Variants in CKMT1A observed in about 807,000 individuals in gnomAD.
The protein encoded by CKMT1A is creatine kinase, mitochondrial 1A, also known as creatine kinase U-type, mitochondrial.
A neutral mutation model predicts 21.8 loss-of-function variants in CKMT1A; 23 were observed. The ratio of observed to expected loss-of-function variants is 1.05; its 90% CI spans 0.76 to 1.49. The LOEUF (loss-of-function observed/expected upper bound fraction) is 1.49. Among genes scored for constraint, CKMT1A ranks in the 40% most tolerant of loss-of-function variants. The probability of loss-of-function intolerance (pLI) is 0.00; values close to 1 mark genes in which losing one functional copy is unlikely to be tolerated. For missense variants in CKMT1A, 154 were observed against 229.4 expected (o/e 0.67, Z 2.12); for synonymous variants, 67 against 80.4 (o/e 0.83, Z 0.89).
At chr15:43,697,687 A>G in intron 6 of CKMT1A, 1 of 984,906 alleles carries the variant, frequency 1.0e-6, no homozygotes, top group Non-Finnish European at 1.2e-6. Context: ...TGCAGACCTC[A>G]TTGAATAATC....
At chr15:43,697,632 C>A (rs1449979150) in intron 6 of CKMT1A, 2 of 984,740 alleles carry the variant, frequency 2.0e-6, no homozygotes, top group Non-Finnish European at 2.4e-6. Flanking sequence ...TGAAAGGACC[C>A]TTCCAAGCTC....
chr15:43,698,940 A>G (rs758099114), intron 8 of CKMT1A, 33 bp from the exon 9 acceptor site: 1 of 1,613,200 alleles, frequency 6.2e-7, no homozygotes, highest in Non-Finnish European at 8.5e-7. Context: ...CTCAGACTGT[A>G]GGAAGCAGAG....
In CKMT1A at chr15:43,699,000, G is replaced by A; in HGVS notation, c.1165G>A (p.Gly389Arg). The A allele has an allele frequency of 6.2e-7, 1 of 1,613,512 alleles. No individual in the cohort carries two copies. The highest frequency in any genetic ancestry group is 8.5e-7 in the Non-Finnish European group (1 of 1,179,882). The change falls in exon 9 of 9, where the codon GGA becomes AGA. Residue 389 changes from glycine to arginine, a missense_variant. Physicochemically the swap from Gly to Arg is moderately radical, Grantham distance 125. Transcript: ENST00000413453. ...EVELVQLVID[G>R]VNYLIDCERR... ...GGAGCTGGTGCAACTGGTCATCGATGGAGTAAACTATTTGATTGATTGTGA... is the reference window on the plus strand; with the variant it reads ...GGAGCTGGTGCAACTGGTCATCGATAGAGTAAACTATTTGATTGATTGTGA...
At chr15:43,698,364 C>T (rs570475228) in intron 7 of CKMT1A, among the ~76,000 whole-genome samples, 1 of 151,784 alleles carries the variant, frequency 6.6e-6, no homozygotes, top group Non-Finnish European at 1.5e-5. Flanking sequence ...CCTGGGCAAC[C>T]TGGTGAAACC....
chr15:43,698,984 G>A lies in CKMT1A; in HGVS notation c.1149G>A (p.Val383=), dbSNP rs1336707021. The change falls in exon 9 of 9, where the codon GTG becomes GTA. Residue 383 remains valine (V), a synonymous_variant. Coordinates refer to ENST00000413453, the MANE Select transcript of CKMT1A (RefSeq NM_001321926.2). ...DRLGKSEVEL[V]QLVIDGVNYL... ...TTAGTGTCCTTCAGGTGGAGCTGGT[G>A]CAACTGGTCATCGATGGAGTAAACT... is the stretch of plus-strand genomic sequence containing the variant. 6.2e-7 allele frequency: 1 copy of A among 1,613,588 alleles called. No homozygotes were observed. Among genetic ancestry groups the A allele is most frequent in the Non-Finnish European group, 8.5e-7 (1 of 1,179,896 alleles).
At position 43,697,757 on chromosome 15, in the gene CKMT1A, C is replaced by T. The variant is rs2086471042; in HGVS notation, c.877-257C>T. 6 of 984,830 alleles carry T rather than the reference C, an allele frequency of 6.1e-6. 1 individual carries two copies. Among genetic ancestry groups the T allele is most frequent in the Non-Finnish European group, 7.2e-6 (6 of 829,436 alleles). The allele number at this position is 984,830 out of a possible 1,614,324, so 61.0% of individuals were successfully genotyped here. Reference sequence around the variant, plus strand: ...ATTTCCCTAGATCATCCTTAATACACCACGCCTTCGAGTTTTCTTCTTCCA... The same window carrying T: ...ATTTCCCTAGATCATCCTTAATACATCACGCCTTCGAGTTTTCTTCTTCCA... On this transcript the variant is annotated intron_variant, in intron 6 of 8. Transcript: ENST00000413453.
chr15:43,698,593 A>T, intron 7 of CKMT1A, 48 bp from the exon 8 acceptor site: 1 of 1,585,246 alleles, frequency 6.3e-7, no homozygotes, highest in Non-Finnish European at 8.6e-7. Context: ...AGGTAGGACT[A>T]GTCTCTGCCT....
rs774963096 is a variant in CKMT1A, at chr15:43,696,270, G to A, written c.783G>A (p.Trp261Ter). The A allele has an allele frequency of 7.5e-6, 12 of 1,593,666 alleles. 1 individual carries two copies. The highest frequency in any genetic ancestry group is 9.4e-6 in the Non-Finnish European group (11 of 1,168,208). ...WHNNEKSFLI[W>*]VNEEDHTRVI... Reference sequence around the variant, plus strand: ...ACAATGAGAAGAGCTTCCTGATCTGGGTGAATGAGGAGGATCATACACGGG... The same window carrying A: ...ACAATGAGAAGAGCTTCCTGATCTGAGTGAATGAGGAGGATCATACACGGG... The change falls in exon 6 of 9, where the codon TGG (tryptophan) becomes TGA (stop). Residue 261 changes from tryptophan to a stop codon, truncating the protein, a stop_gained. Transcript: ENST00000413453. LOFTEE classifies it high-confidence loss of function.
In CKMT1A at chr15:43,695,797, G is replaced by A. The variant is rs1239975601; in HGVS notation, c.554G>A (p.Arg185Gln). 4.9e-5 allele frequency: 7 copies of A among 142,794 alleles called. No homozygotes were observed. Among genetic ancestry groups the A allele is most frequent in the Non-Finnish European group, 8.3e-5 (7 of 84,196 alleles). 8.8% of individuals were successfully genotyped at this position (142,794 alleles called of 1,614,324 possible). ...CCAGCTTGCACTCGAGCAGAGCGAC[G>A]AGAGGTGGAACGTGTTGTGGTGGAT... is the stretch of plus-strand genomic sequence containing the variant. ...LPPACTRAER[R>Q]EVERVVVDAL... is the part of the protein sequence containing the mutation. Residue 185 changes from arginine to glutamine, a missense_variant, in exon 4 of 9, where the codon CGA (arginine) becomes CAA (glutamine). Transcript: ENST00000413453.
Position 43,695,916 on chromosome 15 carries a change from G to A in CKMT1A, c.666+7G>A, listed in dbSNP as rs1567142665. ...ACAGCAGCAGCTTATTGATGTGAGGGCCTTAAGAGGGTGCTGGTTGGTGGG... is the reference window on the plus strand; with the variant it reads ...ACAGCAGCAGCTTATTGATGTGAGGACCTTAAGAGGGTGCTGGTTGGTGGG... On this transcript the variant is annotated splice_region_variant and intron_variant, in intron 4 of 8. Coordinates refer to ENST00000413453, the MANE Select transcript of CKMT1A (RefSeq NM_001321926.2). 3.7e-6 allele frequency: 1 copy of A among 273,048 alleles called. No homozygotes were observed. Among genetic ancestry groups the A allele is most frequent in the Non-Finnish European group, 6.3e-6 (1 of 157,852 alleles). 16.9% of individuals were successfully genotyped at this position (273,048 alleles called of 1,614,324 possible).
chr15:43,696,509 G>A (rs2086448567), intron 6 of CKMT1A, 146 bp downstream of exon 6: 1 of 1,285,050 alleles, frequency 7.8e-7, no homozygotes, highest in South Asian at 1.5e-5. Flanking sequence ...AGGACTAAAG[G>A]TATAAACCAG....
chr15:43,698,647 C>T lies in CKMT1A; in HGVS notation c.1018C>T (p.Arg340Cys), dbSNP rs776795516. ...IKLPLLSKDS[R>C]FPKILENLRL... Reference sequence around the variant, plus strand: ...ATCCCTATCTCCTCTCTAGGATAGCCGCTTCCCAAAGATCCTGGAGAACCT... The same window carrying T: ...ATCCCTATCTCCTCTCTAGGATAGCTGCTTCCCAAAGATCCTGGAGAACCT... The change falls in exon 8 of 9, where the codon CGC becomes TGC. Residue 340 changes from arginine (R) to cysteine (C), a missense_variant. Arg to Cys is a radical substitution (Grantham distance 180). Coordinates refer to ENST00000413453, the MANE Select transcript of CKMT1A (RefSeq NM_001321926.2). 22 of 1,612,856 alleles carry T rather than the reference C, an allele frequency of 1.4e-5. No homozygotes were observed. Among genetic ancestry groups the T allele is most frequent in the Middle Eastern group, 1.6e-4 (1 of 6,074 alleles).
At position 43,698,708 on chromosome 15, in the gene CKMT1A, C is replaced by T; in HGVS notation, c.1079C>T (p.Thr360Ile). 6.2e-7 allele frequency: 1 copy of T among 1,613,662 alleles called. No individual in the cohort carries two copies. The highest frequency in any genetic ancestry group is 8.5e-7 in the Non-Finnish European group (1 of 1,179,856). Reference sequence around the variant, plus strand: ...AAGCGTGGTACTGGAGGAGTGGACACTGCTGCCACAGGCGGTGTCTTTGAT... The same window carrying T: ...AAGCGTGGTACTGGAGGAGTGGACATTGCTGCCACAGGCGGTGTCTTTGAT... ...LQKRGTGGVD[T>I]AATGGVFDIS... The change falls in exon 8 of 9, where the codon ACT (threonine) becomes ATT (isoleucine). Residue 360 changes from threonine to isoleucine, a missense_variant. Transcript: ENST00000413453.
At chr15:43,698,827 A>C in intron 8 of CKMT1A, 61 bp downstream of exon 8, 2 of 1,608,744 alleles carry the variant, frequency 1.2e-6, no homozygotes, top group South Asian at 2.2e-5. Context: ...GAAATATGGC[A>C]GTGAGTGAGC....
intron 8 of CKMT1A, 64 bp from the exon 9 acceptor site, chr15:43,698,909 T>C (rs903219873): frequency 1.2e-6 from 2 of 1,605,370 alleles, no homozygotes; most frequent in African/African-American, 2.7e-5. Context: ...AGCAGGCAAG[T>C]CAGTCAGTGA....
chr15:43,699,071 C>T lies in CKMT1A; in HGVS notation c.1236C>T (p.Val412=). Residue 412 remains valine (V), a synonymous_variant, in exon 9 of 9, where the codon GTC becomes GTT. Coordinates refer to ENST00000413453, the MANE Select transcript of CKMT1A (RefSeq NM_001321926.2). ...AGGATATCCGCATCCCCACACCTGT[C>T]ATCCACACCAAGCATTAACTCCCCA... The part of the protein sequence containing the change: ...RGQDIRIPTP[V]IHTKH 2 of 1,613,488 alleles carry T rather than the reference C, an allele frequency of 1.2e-6. No individual in the cohort carries two copies. The highest frequency in any genetic ancestry group is 1.7e-6 in the Non-Finnish European group (2 of 1,179,876).
At chr15:43,697,410 G>A in intron 6 of CKMT1A, 1 of 984,986 alleles carries the variant, frequency 1.0e-6, no homozygotes, top group Non-Finnish European at 1.2e-6. Context: ...TCATCACTCT[G>A]CTAGATCCCT....
At chr15:43,696,429 T>C (rs747835852) in intron 6 of CKMT1A, 66 bp downstream of exon 6, 2 of 1,606,432 alleles carry the variant, frequency 1.2e-6, no homozygotes, top group East Asian at 2.2e-5. Flanking sequence ...GTAGCATAAA[T>C]AGATTATGTA....
In CKMT1A at chr15:43,698,043, G is replaced by A; in HGVS notation, c.906G>A (p.Trp302Ter). The A allele has an allele frequency of 1.9e-6, 3 of 1,613,334 alleles. No individual in the cohort carries two copies. Among genetic ancestry groups the A allele is most frequent in the Non-Finnish European group, 2.5e-6 (3 of 1,179,736 alleles). Reference sequence around the variant, plus strand: ...AGAGACTTATCCAAGAACGTGGCTGGGAGTTCATGTGGAATGAGCGTTTGG... The same window carrying A: ...AGAGACTTATCCAAGAACGTGGCTGAGAGTTCATGTGGAATGAGCGTTTGG... ...EVERLIQERG[W>*]EFMWNERLGY... is the part of the protein sequence containing the mutation. Residue 302 changes from tryptophan to a stop codon, truncating the protein, a stop_gained, in exon 7 of 9, where the codon TGG becomes TGA. Transcript: ENST00000413453. LOFTEE classifies it high-confidence loss of function.
Sources: gnomAD v4.1 joint callset for allele counts (sites outside exome capture counted in the v4.1 genomes callset) on GRCh38, gnomAD v4.1.1 for gene constraint, MANE v1.5 for transcripts, NCBI Gene and HGNC (gene_info 2026-07-23, HGNC 2026-07-21) for gene names.